The following PLCB4 variants were observed in gnomAD, a reference collection of about 807,000 sequenced individuals.
PLCB4 encodes 1-phosphatidylinositol 4,5-bisphosphate phosphodiesterase beta-4.
A neutral mutation model predicts 178.8 loss-of-function variants in PLCB4; 77 were observed. The observed-to-expected ratio is 0.43, with a 90% CI of 0.36 to 0.52. The LOEUF is 0.52. PLCB4 is among the 20% of genes least tolerant of loss of function. PLCB4 has a pLI of 0.00. For missense variants in PLCB4, 1,024 were observed against 1,453.4 expected, an observed-to-expected ratio of 0.70 and a Z score of 4.80; for synonymous variants, 496 against 490.8, an observed-to-expected ratio of 1.01 and a Z score of -0.14.
chr20:9,395,922 TA>T (rs1376068666), intron 19 of PLCB4, among the ~76,000 whole-genome samples: 19 of 152,282 alleles, frequency 1.2e-4, no homozygotes, highest in African/African-American at 4.3e-4. Flanking sequence ...CAGTGAGCTA[TA>T]TGTAATCCTA....
intron 7 of PLCB4, among the ~76,000 whole-genome samples, chr20:9,348,759 G>A (rs935751717): frequency 3.9e-5 from 6 of 152,166 alleles, no homozygotes; most frequent in Non-Finnish European, 7.3e-5. Context: ...TGATTCTTCA[G>A]GAACATGCAG....
intron 3 of PLCB4, among the ~76,000 whole-genome samples, chr20:9,305,924 A>G (rs1033696595): frequency 1.3e-5 from 2 of 152,158 alleles, no homozygotes; most frequent in African/African-American, 4.8e-5. Context: ...TCATTTCTGC[A>G]TATTTTGTGT....
chr20:9,126,026 A>ATG (rs1452296505), intron 2 of PLCB4, among the ~76,000 whole-genome samples: 1 of 151,968 alleles, frequency 6.6e-6, no homozygotes, highest in South Asian at 2.1e-4. Flanking sequence ...GTATGCATGT[A>ATG]TGTGTGTGTG....
intron 2 of PLCB4, among the ~76,000 whole-genome samples, chr20:9,212,519 G>C (rs1483795389): frequency 6.6e-6 from 1 of 152,128 alleles, no homozygotes; most frequent in African/African-American, 2.4e-5. Flanking sequence ...AGAAATAAAA[G>C]CTTCACCCTT....
intron 7 of PLCB4, among the ~76,000 whole-genome samples, chr20:9,359,465 A>C (rs935186432): frequency 2.0e-5 from 3 of 152,176 alleles, no homozygotes; most frequent in African/African-American, 7.2e-5. Context: ...ACTTTAAGTT[A>C]ACTTAGGAAT....
chr20:9,460,895 C>T (rs1251394251), intron 35 of PLCB4, among the ~76,000 whole-genome samples: 1 of 152,200 alleles, frequency 6.6e-6, no homozygotes, highest in Non-Finnish European at 1.5e-5. Flanking sequence ...TCCCATGCTC[C>T]ATTTTCTGTG....
chr20:9,204,942 A>G (rs1007219778), intron 2 of PLCB4, among the ~76,000 whole-genome samples: 1 of 152,072 alleles, frequency 6.6e-6, no homozygotes, highest in Admixed American at 6.5e-5. Context: ...AATAATTTTT[A>G]TATTGATTAC....
chr20:9,215,623 C>T (rs2093722014), intron 2 of PLCB4, among the ~76,000 whole-genome samples: 1 of 152,150 alleles, frequency 6.6e-6, no homozygotes, highest in African/African-American at 2.4e-5. Flanking sequence ...AGTGAATTGG[C>T]TTTTTTTCCA....
At position 9,437,027 on chromosome 20, in the gene PLCB4, A is replaced by G; in HGVS notation, c.2639A>G (p.Asp880Gly). ...ETSDIADVPS[D>G]TSKNDKKGKA... is the part of the protein sequence containing the mutation. ...AGTGACATAGCCGACGTGCCCAGTGACACTTCCAAAAATGACAAGAAAGGA... is the reference window on the plus strand; with the variant it reads ...AGTGACATAGCCGACGTGCCCAGTGGCACTTCCAAAAATGACAAGAAAGGA... The change falls in exon 30 of 40, where the codon GAC becomes GGC. Residue 880 changes from aspartate (D) to glycine (G), a missense_variant. This residue lies in a region of PLCB4 where 227 missense variants were observed against 374.3 expected (regional missense o/e 0.61). Coordinates refer to ENST00000378473, the MANE Select transcript of PLCB4 (RefSeq NM_001377142.1). 1.9e-6 allele frequency: 3 copies of G among 1,614,036 alleles called. No homozygotes were observed. Among genetic ancestry groups the G allele is most frequent in the Non-Finnish European group, 2.5e-6 (3 of 1,179,956 alleles).
Position 9,444,608 on chromosome 20 carries a change from A to G in PLCB4, c.2880+365A>G, listed in dbSNP as rs149446847. Reference sequence around the variant, plus strand: ...TAAAACCTGTCTCTACTAAAAATACAAAAATTAGCTGGGTGTGGTGACATA... The same window carrying G: ...TAAAACCTGTCTCTACTAAAAATACGAAAATTAGCTGGGTGTGGTGACATA... On this transcript the variant is annotated intron_variant, in intron 32 of 39. Transcript: ENST00000378473. 9.4e-3 allele frequency among the ~76,000 whole-genome samples: 1,428 copies of G among 152,210 alleles called. 48 individuals carry two copies. Among genetic ancestry groups the G allele is most frequent in the Admixed American group, 0.064 (985 of 15,280 alleles).
At chr20:9,227,332 CT>C (rs1171955127) in intron 3 of PLCB4, among the ~76,000 whole-genome samples, 1 of 151,750 alleles carries the variant, frequency 6.6e-6, no homozygotes, top group African/African-American at 2.4e-5. Flanking sequence ...TCTATTTTTT[CT>C]TTTTTTCCCA....
At chr20:9,240,408 A>G (rs1302472100) in intron 3 of PLCB4, among the ~76,000 whole-genome samples, 2 of 152,090 alleles carry the variant, frequency 1.3e-5, no homozygotes, top group Non-Finnish European at 2.9e-5. Flanking sequence ...AGGTCTCATA[A>G]TTTTTGTAAC....
chr20:9,412,547 C>T (rs865891049), intron 25 of PLCB4, among the ~76,000 whole-genome samples: 2 of 152,126 alleles, frequency 1.3e-5, no homozygotes, highest in Admixed American at 1.3e-4. Context: ...AGACTTTGTC[C>T]TTTGACAAAA....
intron 20 of PLCB4, among the ~76,000 whole-genome samples, chr20:9,403,695 G>T (rs536593691): frequency 6.6e-6 from 1 of 152,332 alleles, no homozygotes; most frequent in Admixed American, 6.5e-5. Context: ...TGAATAGTTG[G>T]CCACCTTTGA....
At chr20:9,241,916 G>A (rs914992544) in intron 3 of PLCB4, among the ~76,000 whole-genome samples, 37 of 152,264 alleles carry the variant, frequency 2.4e-4, no homozygotes, top group African/African-American at 8.9e-4. Flanking sequence ...GGTCAGTTGG[G>A]GGCTGGCCAA....
chr20:9,252,956 G>C (rs1178278716), intron 3 of PLCB4, among the ~76,000 whole-genome samples: 2 of 152,156 alleles, frequency 1.3e-5, no homozygotes, highest in Non-Finnish European at 2.9e-5. Context: ...TCCACTTACA[G>C]ACAGAAGATT....
chr20:9,133,662 A>C (rs2092323472), intron 2 of PLCB4, among the ~76,000 whole-genome samples: 1 of 152,178 alleles, frequency 6.6e-6, no homozygotes, highest in Admixed American at 6.5e-5. Flanking sequence ...TGATGGAAAG[A>C]ATGAATGTTT....
At chr20:9,306,930 C>T (rs2094774605) in intron 3 of PLCB4, among the ~76,000 whole-genome samples, 1 of 152,104 alleles carries the variant, frequency 6.6e-6, no homozygotes, top group Admixed American at 6.6e-5. Flanking sequence ...GGTTCTTTGT[C>T]CCACAGCCAT....
chr20:9,200,108 A>G (rs901244689), intron 2 of PLCB4, among the ~76,000 whole-genome samples: 53 of 147,820 alleles, frequency 3.6e-4, no homozygotes, highest in Admixed American at 2.0e-3. Flanking sequence ...TGACAGTCTC[A>G]GTTTCCCGTT....
Sources: gnomAD v4.1 joint callset for allele counts (sites outside exome capture counted in the v4.1 genomes callset) on GRCh38, gnomAD v4.1.1 for gene constraint, gnomAD v4.1.1 regional missense constraint, MANE v1.5 for transcripts, NCBI Gene and HGNC (gene_info 2026-07-23, HGNC 2026-07-21) for gene names.